C9orf85: variants seen among roughly 807,000 people sequenced by gnomAD.
C9orf85 encodes uncharacterized protein C9orf85.
A neutral mutation model predicts 14.9 loss-of-function variants in C9orf85; 16 were observed. That is an observed-to-expected ratio of 1.08 (90% confidence interval 0.73 to 1.63). The LOEUF is 1.63. Ranked by LOEUF, C9orf85 falls within the 40% of genes most tolerant of loss-of-function variation. C9orf85 has a pLI of 0.00. For missense variants in C9orf85, 172 were observed against 186.1 expected, an observed-to-expected ratio of 0.92 and a Z score of 0.44; for synonymous variants, 45 against 56.8, an observed-to-expected ratio of 0.79 and a Z score of 0.93.
intron 2 of C9orf85, among the ~76,000 whole-genome samples, chr9:71,966,264 C>A (rs1186868862): frequency 6.6e-6 from 1 of 152,116 alleles, no homozygotes. Flanking sequence ...CTGCCTGATT[C>A]GTGAATCATT....
chr9:71,929,917 G>A (rs1828030092), intron 1 of C9orf85, among the ~76,000 whole-genome samples: 1 of 149,084 alleles, frequency 6.7e-6, no homozygotes. Context: ...TTAATTTTGT[G>A]ACCTCAAGCA....
chr9:71,977,781 C>A (rs1823031626), downstream of C9orf85, among the ~76,000 whole-genome samples: 1 of 152,054 alleles, frequency 6.6e-6, no homozygotes. Context: ...GATTTGTCAG[C>A]AATACTGAAT....
At chr9:71,975,940 T>C (rs552326844), downstream of C9orf85, among the ~76,000 whole-genome samples, 3 of 152,352 alleles carry the variant, frequency 2.0e-5, no homozygotes, top group South Asian at 6.2e-4. Context: ...AACTAAAGTC[T>C]TACTGGACCT....
chr9:71,974,524 T>A (rs929090487), downstream of C9orf85, among the ~76,000 whole-genome samples: 5 of 152,220 alleles, frequency 3.3e-5, no homozygotes, highest in Non-Finnish European at 5.9e-5. Context: ...ATTACAGACA[T>A]GAGCCTCCAC....
chr9:71,972,107 A>T (rs1428306436), intron 3 of C9orf85, among the ~76,000 whole-genome samples: 1 of 152,200 alleles, frequency 6.6e-6, no homozygotes, highest in East Asian at 1.9e-4. Context: ...ATTTTTAAGA[A>T]AATAAAATAT....
At chr9:71,933,135 T>C (rs1351812258) in intron 1 of C9orf85, among the ~76,000 whole-genome samples, 1 of 152,212 alleles carries the variant, frequency 6.6e-6, no homozygotes, top group Non-Finnish European at 1.5e-5. Context: ...GGGATACCCT[T>C]AAGTGGACCA....
chr9:71,977,365 A>G (rs2132373761), downstream of C9orf85, among the ~76,000 whole-genome samples: 1 of 152,360 alleles, frequency 6.6e-6, no homozygotes, highest in Non-Finnish European at 1.5e-5. Flanking sequence ...CTTACGTGCT[A>G]TGGCAAAAAG....
chr9:71,960,368 G>T (rs1430745566), intron 2 of C9orf85, among the ~76,000 whole-genome samples: 1 of 151,440 alleles, frequency 6.6e-6, no homozygotes, highest in African/African-American at 2.4e-5. Flanking sequence ...TTTTCTCATT[G>T]CATAACTTTT....
chr9:71,971,940 C>G (rs866580022), intron 3 of C9orf85, among the ~76,000 whole-genome samples: 2 of 145,170 alleles, frequency 1.4e-5, no homozygotes, highest in African/African-American at 2.6e-5. Context: ...TGCCACTGCA[C>G]TCCAGCCTGG....
chr9:71,979,124 T>A (rs1823053409), intron 3 of C9orf85, among the ~76,000 whole-genome samples: 1 of 152,242 alleles, frequency 6.6e-6, no homozygotes, highest in African/African-American at 2.4e-5. Context: ...AAATTAGTAG[T>A]AATGTATTGT....
intron 1 of C9orf85, among the ~76,000 whole-genome samples, chr9:71,938,947 GA>G (rs1343119508): frequency 1.3e-5 from 2 of 151,654 alleles, no homozygotes; most frequent in Admixed American, 1.3e-4. Context: ...TATTAATATG[GA>G]AAAATGAATG....
intron 3 of C9orf85, among the ~76,000 whole-genome samples, chr9:71,971,995 A>G (rs925863070): frequency 2.0e-5 from 3 of 151,062 alleles, no homozygotes; most frequent in African/African-American, 7.3e-5. Context: ...AAAAAAAAAA[A>G]GAGATGATCC....
intron 1 of C9orf85, among the ~76,000 whole-genome samples, chr9:71,915,337 T>C (rs1182467066): frequency 6.6e-6 from 1 of 151,904 alleles, no homozygotes; most frequent in Non-Finnish European, 1.5e-5. Context: ...CACACAACCA[T>C]GCCTGGCTAA....
downstream of C9orf85, among the ~76,000 whole-genome samples, chr9:71,975,683 T>C (rs575711348): frequency 2.9e-4 from 44 of 151,070 alleles, 1 homozygote; most frequent in Non-Finnish European, 5.0e-4. Context: ...AAACACAAAA[T>C]TAACCACGCC....
chr9:71,915,005 G>C (rs369580065), intron 1 of C9orf85, among the ~76,000 whole-genome samples: 3 of 152,222 alleles, frequency 2.0e-5, no homozygotes, highest in East Asian at 3.9e-4. Flanking sequence ...CCAACGAAAA[G>C]AGCACTGGAC....
intron 1 of C9orf85, among the ~76,000 whole-genome samples, chr9:71,922,186 G>T (rs1209499090): frequency 1.3e-5 from 2 of 152,020 alleles, no homozygotes; most frequent in Non-Finnish European, 2.9e-5. Flanking sequence ...TGATCCACCT[G>T]CCTCAGTCTC....
intron 1 of C9orf85, among the ~76,000 whole-genome samples, chr9:71,923,572 C>T (rs1827864361): frequency 6.6e-6 from 1 of 152,076 alleles, no homozygotes; most frequent in African/African-American, 2.4e-5. Flanking sequence ...CCAGCCCTTC[C>T]CTGCTTTTCT....
chr9:71,967,650 A>G (rs936395981), intron 2 of C9orf85, among the ~76,000 whole-genome samples: 4 of 150,914 alleles, frequency 2.7e-5, no homozygotes, highest in African/African-American at 7.3e-5. Context: ...TTTTCTATAT[A>G]GACAGTGATT....
At chr9:71,958,287 A>T in intron 2 of C9orf85, among the ~76,000 whole-genome samples, 1 of 140,264 alleles carries the variant, frequency 7.1e-6, no homozygotes, top group Non-Finnish European at 1.5e-5. Flanking sequence ...TTTGAGACGG[A>T]GTTTCGCTCT....
Sources: gnomAD v4.1 joint callset for allele counts (sites outside exome capture counted in the v4.1 genomes callset) on GRCh38, gnomAD v4.1.1 for gene constraint, MANE v1.5 for transcripts, NCBI Gene and HGNC (gene_info 2026-07-23, HGNC 2026-07-21) for gene names.